The following HIBCH variants were observed in gnomAD, a reference collection of about 807,000 sequenced individuals.
HIBCH encodes 3-hydroxyisobutyryl-CoA hydrolase.
A neutral mutation model predicts 58.2 loss-of-function variants in HIBCH; 50 were observed. The ratio of observed to expected loss-of-function variants is 0.86; its 90% CI spans 0.68 to 1.09. The LOEUF (loss-of-function observed/expected upper bound fraction) is 1.09, where lower values mean the gene tolerates loss of function less well. HIBCH is among the 50% of genes least tolerant of loss of function. HIBCH has a pLI of 0.00. For missense variants in HIBCH, 450 were observed against 449.7 expected (o/e 1.00, Z -0.01); for synonymous variants, 151 against 146.9 (o/e 1.03, Z -0.20).
rs1177115966 is a variant in HIBCH, at chr2:190,216,044, G to C, written c.892-2969C>G. On this transcript the variant is annotated intron_variant, in intron 11 of 13. Coordinates refer to ENST00000359678, the MANE Select transcript of HIBCH (RefSeq NM_014362.4). The surrounding 1 kb of genome is among the most constrained non-coding windows in gnomAD (Gnocchi z 4.2). ...ATAAAAGAAGAAAATGAGCAAGAGA[G>C]AGACTGGAAAAGACAAAGATCAAAG... 6.6e-6 allele frequency: 1 copy of C among 152,438 alleles called. No homozygotes were observed. Among genetic ancestry groups the C allele is most frequent in the Non-Finnish European group, 1.5e-5 (1 of 68,228 alleles). The allele number at this position is 152,438 out of a possible 1,614,324, so 9.4% of individuals were successfully genotyped here.
chr2:190,286,659 T>C (rs1313482822), intron 6 of HIBCH, among the ~76,000 whole-genome samples: 1 of 152,220 alleles, frequency 6.6e-6, no homozygotes, highest in Admixed American at 6.5e-5. Flanking sequence ...TTTGTAATTA[T>C]TTCATGTTTT....
chr2:190,314,769 G>A lies in HIBCH; in HGVS notation c.36-3973C>T, dbSNP rs111592439. On this transcript the variant is annotated intron_variant, in intron 1 of 13. Coordinates refer to ENST00000359678, the MANE Select transcript of HIBCH (RefSeq NM_014362.4). ...GCTGGGATGACAGGTGTGAGCCACC[G>A]CACCCAGCCCATTCGTTCTAATTCA... Among the ~76,000 whole-genome samples, 921 of 152,206 alleles carry A rather than the reference G, an allele frequency of 6.1e-3. 5 individuals are homozygous for A. The highest frequency in any genetic ancestry group is 0.02 in the African/African-American group (831 of 41,554).
At chr2:190,199,821 G>GTCTT, downstream of HIBCH, 1 of 1,599,822 alleles carries the variant, frequency 6.3e-7, no homozygotes, top group Non-Finnish European at 8.5e-7. Context: ...CCTGGAAGTA[G>GTCTT]TCTTTGCCAC....
intron 9 of HIBCH, among the ~76,000 whole-genome samples, chr2:190,247,969 T>C (rs1188619769): frequency 6.6e-6 from 1 of 152,246 alleles, no homozygotes; most frequent in African/African-American, 2.4e-5. Context: ...AAAACATTCA[T>C]GTGACTAGCT....
At chr2:190,308,100 C>T (rs949797078) in intron 2 of HIBCH, among the ~76,000 whole-genome samples, 1 of 152,198 alleles carries the variant, frequency 6.6e-6, no homozygotes, top group Non-Finnish European at 1.5e-5. Context: ...CCCTGAGGCA[C>T]TCATAAAAGC....
intron 7 of HIBCH, among the ~76,000 whole-genome samples, chr2:190,253,358 A>C (rs1465621174): frequency 6.6e-6 from 1 of 152,190 alleles, no homozygotes; most frequent in Non-Finnish European, 1.5e-5. Flanking sequence ...CAAGCACTAA[A>C]ATTCTCTCCA....
chr2:190,245,796 C>A (rs567384180), intron 10 of HIBCH, among the ~76,000 whole-genome samples: 1 of 152,154 alleles, frequency 6.6e-6, no homozygotes, highest in African/African-American at 2.4e-5. Flanking sequence ...TGGAGACCAG[C>A]CTGGCCAACA....
intron 11 of HIBCH, among the ~76,000 whole-genome samples, chr2:190,219,591 G>A (rs1685658433): frequency 2.0e-5 from 3 of 152,172 alleles, no homozygotes; most frequent in Non-Finnish European, 4.4e-5. Flanking sequence ...GAGCCCCTGA[G>A]CTAACTAGGA....
Position 190,248,993 on chromosome 2 carries a change from T to C in HIBCH, c.750+647A>G, listed in dbSNP as rs111621008. 6.7e-3 allele frequency among the ~76,000 whole-genome samples: 1,019 copies of C among 152,340 alleles called. 11 individuals carry two copies. Among genetic ancestry groups the C allele is most frequent in the African/African-American group, 0.022 (922 of 41,584 alleles). On this transcript the variant is annotated intron_variant, in intron 9 of 13. Coordinates refer to ENST00000359678, the MANE Select transcript of HIBCH (RefSeq NM_014362.4). ...ACAGCAACAATCAGCTGACTTCTTA[T>C]TGGCTTTCAGAGTTCTTTGGTTTAA...
At chr2:190,258,891 AT>A (rs1427836959) in intron 7 of HIBCH, among the ~76,000 whole-genome samples, 2 of 152,110 alleles carry the variant, frequency 1.3e-5, no homozygotes, top group Non-Finnish European at 2.9e-5. Context: ...TTTCACCATT[AT>A]GTATTCTTGG....
chr2:190,239,653 T>G (rs1399165032), intron 11 of HIBCH, among the ~76,000 whole-genome samples: 3 of 148,774 alleles, frequency 2.0e-5, no homozygotes, highest in Admixed American at 6.6e-5. Flanking sequence ...TGTAGTTTTT[T>G]TTTTTTTTTT....
chr2:190,201,859 T>C (rs986881190), downstream of HIBCH: 1 of 167,000 alleles, frequency 6.0e-6, no homozygotes, highest in East Asian at 1.9e-4. Context: ...CATTTCCAGG[T>C]CATGAAGAGT....
At chr2:190,286,038 C>T (rs571641260) in intron 6 of HIBCH, among the ~76,000 whole-genome samples, 76 of 152,062 alleles carry the variant, frequency 5.0e-4, no homozygotes, top group African/African-American at 1.8e-3. Context: ...GATGGGGTTT[C>T]GCCATGTTGC....
At chr2:190,287,689 C>T (rs1559053855) in intron 5 of HIBCH, 51 bp from the exon 6 acceptor site, 1 of 1,358,874 alleles carries the variant, frequency 7.4e-7, no homozygotes, top group Middle Eastern at 1.9e-4. Flanking sequence ...AATACATTCC[C>T]TTTTTCTTAA....
intron 2 of HIBCH, among the ~76,000 whole-genome samples, chr2:190,308,316 G>A (rs1392131326): frequency 6.6e-6 from 1 of 152,060 alleles, no homozygotes; most frequent in Non-Finnish European, 1.5e-5. Flanking sequence ...ATGTATAACA[G>A]CTGAATAAAA....
At chr2:190,223,894 C>T (rs1685806796) in intron 11 of HIBCH, among the ~76,000 whole-genome samples, 1 of 152,232 alleles carries the variant, frequency 6.6e-6, no homozygotes, top group Non-Finnish European at 1.5e-5. Flanking sequence ...CCACGTTCAT[C>T]TCACTGGGGC....
Position 190,226,812 on chromosome 2 carries a change from G to T in HIBCH, c.892-13737C>A, listed in dbSNP as rs548345968. Among the ~76,000 whole-genome samples the T allele has an allele frequency of 2.0e-5, 3 of 152,186 alleles. No individual in the cohort carries two copies. The East Asian group carries it at 5.8e-4, about 29-fold the overall frequency. ...AGACAAACAGAGGGCCAAATCATGAGTGAACTCCCATTCACAATAGCTTCA... is the reference window on the plus strand; with the variant it reads ...AGACAAACAGAGGGCCAAATCATGATTGAACTCCCATTCACAATAGCTTCA... On this transcript the variant is annotated intron_variant, in intron 11 of 13. Transcript: ENST00000359678.
intron 1 of HIBCH, among the ~76,000 whole-genome samples, chr2:190,319,290 T>C (rs1278616965): frequency 3.3e-5 from 5 of 152,178 alleles, no homozygotes; most frequent in Admixed American, 3.3e-4. Context: ...GCAAGAAAGC[T>C]GAATAAAATC....
In HIBCH at chr2:190,294,604, G is replaced by C; in HGVS notation, c.246C>G (p.Phe82Leu). 6.2e-7 allele frequency: 1 copy of C among 1,612,540 alleles called. No homozygotes were observed. The highest frequency in any genetic ancestry group is 1.1e-5 in the South Asian group (1 of 91,020). Residue 82 changes from phenylalanine to leucine, a missense_variant, in exon 4 of 14, where the codon TTC (phenylalanine) becomes TTG (leucine). Transcript: ENST00000359678. ...LKKWEQDPET[F>L]LIIIKGAGGK... ...CTCCTGCTCCCTTTATAATGATCAG[G>C]AAAGTTTCAGGATCTTGTTCCCACT...
Sources: allele counts gnomAD v4.1 joint callset (sites outside exome capture counted in the v4.1 genomes callset), GRCh38; gene constraint gnomAD v4.1.1; non-coding constraint Gnocchi (gnomAD v3.1); transcripts MANE v1.5; gene names NCBI Gene and HGNC (gene_info 2026-07-23, HGNC 2026-07-21).